The following WASHC5 variants were observed in gnomAD, a reference collection of about 807,000 sequenced individuals.
WASHC5 encodes WASH complex subunit 5.
WASHC5 carries 101 observed loss-of-function variants against 150.4 expected under a neutral mutation model. That is an observed-to-expected ratio of 0.67 (90% confidence interval 0.57 to 0.79). WASHC5 has a LOEUF of 0.79. Ranked by LOEUF, WASHC5 falls within the 30% of genes least tolerant of loss-of-function variation. The pLI, the probability that WASHC5 is intolerant of heterozygous loss-of-function variation, is 0.00. For synonymous variants in WASHC5, 467 were observed against 491.2 expected, an observed-to-expected ratio of 0.95 and a Z score of 0.65; for missense variants, 1,195 against 1,396.3, an observed-to-expected ratio of 0.86 and a Z score of 2.30.
chr8:125,069,574 T>C (rs1816844311), intron 9 of WASHC5, among the ~76,000 whole-genome samples: 2 of 152,218 alleles, frequency 1.3e-5, no homozygotes, highest in Admixed American at 6.5e-5. Context: ...GTATATGTCA[T>C]GGGTGGTTTT....
intron 11 of WASHC5, among the ~76,000 whole-genome samples, 166 bp downstream of exon 11, chr8:125,063,356 A>T (rs1224303496): frequency 6.6e-6 from 1 of 152,214 alleles, no homozygotes; most frequent in East Asian, 1.9e-4. Context: ...AGAGAGCTAG[A>T]CGCAGCCAAA....
intron 23 of WASHC5, 39 bp from the exon 24 acceptor site, chr8:125,039,937 A>G (rs1258941905): frequency 3.0e-6 from 4 of 1,342,480 alleles, no homozygotes; most frequent in South Asian, 1.2e-5. Context: ...AGTGCATTCA[A>G]GCATTTCAGA....
chr8:125,073,083 G>A (rs931399704), intron 9 of WASHC5, 70 bp downstream of exon 9: 23 of 1,499,830 alleles, frequency 1.5e-5, no homozygotes, highest in Admixed American at 1.2e-4. Flanking sequence ...ACTCTGCATC[G>A]TGAAGTAGGT....
chr8:125,060,065 C>A (rs1317629989), intron 12 of WASHC5, among the ~76,000 whole-genome samples: 2 of 152,086 alleles, frequency 1.3e-5, no homozygotes. Context: ...ATCCTAAAAA[C>A]CTTGCAGAAA....
At chr8:125,057,442 A>AT in intron 15 of WASHC5, 114 bp downstream of exon 15, 4 of 766,052 alleles carry the variant, frequency 5.2e-6, no homozygotes, top group Non-Finnish European at 8.9e-6. Context: ...CTGGAATCAA[A>AT]TTTTTAAAAG....
chr8:125,079,139 T>TATATATATATATATATAC (rs1377087490), intron 5 of WASHC5, among the ~76,000 whole-genome samples: 1 of 129,574 alleles, frequency 7.7e-6, no homozygotes, highest in African/African-American at 3.6e-5. Context: ...TATATATATA[T>TATATATATATATATATAC]ACATTTTTTT....
intron 3 of WASHC5, chr8:125,082,800 A>G (rs1432437162): frequency 2.8e-6 from 1 of 362,808 alleles, no homozygotes; most frequent in African/African-American, 2.1e-5. Context: ...CAGAAAGTTA[A>G]TGATAAAGAT....
At chr8:125,049,893 A>C (rs1816188492) in intron 18 of WASHC5, among the ~76,000 whole-genome samples, 1 of 152,122 alleles carries the variant, frequency 6.6e-6, no homozygotes, top group Admixed American at 6.6e-5. Flanking sequence ...GTCATAGTTT[A>C]AGATATACTT....
chr8:125,048,961 G>A (rs1816155934), intron 19 of WASHC5, 45 bp downstream of exon 19: 1 of 1,483,362 alleles, frequency 6.7e-7, no homozygotes, highest in East Asian at 2.4e-5. Context: ...CTCTAAACAT[G>A]AGAAATAACA....
intron 23 of WASHC5, among the ~76,000 whole-genome samples, chr8:125,042,179 C>A (rs1043027981): frequency 6.6e-6 from 1 of 152,226 alleles, no homozygotes; most frequent in African/African-American, 2.4e-5. Context: ...ATTCTACCTA[C>A]TCATTTGCCT....
chr8:125,031,676 C>T (rs1211024317), intron 27 of WASHC5, among the ~76,000 whole-genome samples: 1 of 152,138 alleles, frequency 6.6e-6, no homozygotes, highest in Non-Finnish European at 1.5e-5. Context: ...AGGCACAGGA[C>T]CCAGCATCTC....
chr8:125,038,746 G>A, intron 25 of WASHC5, 84 bp downstream of exon 25: 2 of 1,528,040 alleles, frequency 1.3e-6, no homozygotes, highest in South Asian at 1.1e-5. Context: ...AGGTTCCTCT[G>A]GTATTTCTGC....
At chr8:125,079,121 T>TAC (rs1817161664) in intron 5 of WASHC5, among the ~76,000 whole-genome samples, 191 bp from the exon 6 acceptor site, 1 of 105,332 alleles carries the variant, frequency 9.5e-6, no homozygotes, top group South Asian at 3.1e-4. Flanking sequence ...TGTGTGTATA[T>TAC]ATATATATAT....
At chr8:125,064,814 T>A (rs1381811423) in intron 10 of WASHC5, among the ~76,000 whole-genome samples, 1 of 152,122 alleles carries the variant, frequency 6.6e-6, no homozygotes, top group African/African-American at 2.4e-5. Context: ...GGAGACTCCA[T>A]CTGCAGGTGG....
chr8:125,044,952 G>C, intron 20 of WASHC5: 1 of 498,330 alleles, frequency 2.0e-6, no homozygotes, highest in Non-Finnish European at 3.7e-6. Flanking sequence ...TTTCCATTGA[G>C]TTAGGGTGTT....
At chr8:125,066,166 A>G (rs1816738885) in intron 10 of WASHC5, among the ~76,000 whole-genome samples, 2 of 152,178 alleles carry the variant, frequency 1.3e-5, no homozygotes, top group Non-Finnish European at 2.9e-5. Context: ...AAACCATTAA[A>G]ATTATTAATA....
intron 17 of WASHC5, among the ~76,000 whole-genome samples, chr8:125,051,205 A>C (rs1294049434): frequency 6.6e-6 from 1 of 152,228 alleles, no homozygotes; most frequent in Non-Finnish European, 1.5e-5. Flanking sequence ...TAAGAAAGCA[A>C]ATCTGCTATC....
rs1242293748 is a variant in WASHC5, at chr8:125,028,659, G to T, written c.3384C>A (p.Phe1128Leu). 16 of 1,613,742 alleles carry T rather than the reference G, an allele frequency of 9.9e-6. No individual in the cohort carries two copies. Among genetic ancestry groups the T allele is most frequent in the Non-Finnish European group, 1.4e-5 (16 of 1,179,750 alleles). Reference sequence around the variant, plus strand: ...TTGTGTACCGAACATAATCCTCCAGGAACAGAAGGGCACCCACAACATCTG... The same window carrying T: ...TTGTGTACCGAACATAATCCTCCAGTAACAGAAGGGCACCCACAACATCTG... ...IPADVVGALLFLEDYVRYTKL... is the reference protein window; with the variant it reads ...IPADVVGALLLLEDYVRYTKL... The change falls in exon 28 of 29, where the codon TTC (phenylalanine) becomes TTA (leucine). Residue 1128 changes from phenylalanine (F) to leucine (L), a missense_variant. Phe to Leu is a conservative substitution (Grantham distance 22). Around this residue, in one of 3 missense-constraint regions of WASHC5, gnomAD observed 997 missense variants for 1,168.1 expected, o/e 0.85. Transcript: ENST00000318410.
At position 125,083,912 on chromosome 8, in the gene WASHC5, G is replaced by A. The variant is rs571298692; in HGVS notation, c.-14C>T. On this transcript the variant is annotated 5_prime_UTR_variant, in exon 2 of 29. Transcript: ENST00000318410. ...AAAGTCCAACATTGTGAGGCGGACC[G>A]ACTACTCTGTGCCTGGACACTGGGG... is the stretch of plus-strand genomic sequence containing the variant. 9.9e-6 allele frequency: 16 copies of A among 1,611,864 alleles called. No homozygotes were observed. The highest frequency in any genetic ancestry group is 5.5e-5 in the South Asian group (5 of 90,668).
Sources: gnomAD v4.1 joint callset for allele counts (sites outside exome capture counted in the v4.1 genomes callset) on GRCh38, gnomAD v4.1.1 for gene constraint, gnomAD v4.1.1 regional missense constraint, MANE v1.5 for transcripts, NCBI Gene and HGNC (gene_info 2026-07-23, HGNC 2026-07-21) for gene names.